CERS3: variants seen among roughly 807,000 people sequenced by gnomAD.
The protein encoded by CERS3 is ceramide synthase 3, also known as LAG1 homolog, ceramide synthase 3.
In CERS3, 33 loss-of-function variants were observed where a neutral mutation model predicts 50.3. The ratio of observed to expected loss-of-function variants is 0.66; its 90% CI spans 0.50 to 0.88. CERS3 has a LOEUF of 0.88. CERS3 is among the 40% of genes least tolerant of loss of function. The pLI is 0.00. For synonymous variants in CERS3, 176 were observed against 155.2 expected, an observed-to-expected ratio of 1.13 and a Z score of -0.99; for missense variants, 470 against 460.3, an observed-to-expected ratio of 1.02 and a Z score of -0.19.
intron 11 of CERS3, among the ~76,000 whole-genome samples, chr15:100,430,034 C>T (rs546398435): frequency 6.4e-4 from 97 of 151,850 alleles, no homozygotes; most frequent in African/African-American, 2.1e-3. Flanking sequence ...CCAAAAAAGC[C>T]GGGCGCGGTG....
At chr15:100,457,309 A>G (rs183494828) in intron 10 of CERS3, among the ~76,000 whole-genome samples, 1 of 152,296 alleles carries the variant, frequency 6.6e-6, no homozygotes, top group African/African-American at 2.4e-5. Context: ...CTATCTTGCC[A>G]AAAAAATTCT....
chr15:100,409,346 T>C (rs755829511), intron 11 of CERS3, among the ~76,000 whole-genome samples: 2 of 152,182 alleles, frequency 1.3e-5, no homozygotes, highest in African/African-American at 2.4e-5. Context: ...TGAGATGGAT[T>C]TGGCAACCTA....
chr15:100,408,247 A>G (rs2031213945), intron 11 of CERS3, among the ~76,000 whole-genome samples: 1 of 152,194 alleles, frequency 6.6e-6, no homozygotes, highest in South Asian at 2.1e-4. Context: ...CCCCATGGAT[A>G]CCGAGGGAAA....
At chr15:100,520,767 A>G (rs1764933799) in intron 2 of CERS3, among the ~76,000 whole-genome samples, 1 of 152,086 alleles carries the variant, frequency 6.6e-6, no homozygotes, top group Non-Finnish European at 1.5e-5. Context: ...CCACTGTCCC[A>G]CTAGGAGTGG....
chr15:100,459,112 C>A (rs2142205605), intron 10 of CERS3, among the ~76,000 whole-genome samples: 1 of 152,296 alleles, frequency 6.6e-6, no homozygotes, highest in East Asian at 1.9e-4. Context: ...CAAAACCAGG[C>A]AATAGGCTGA....
intron 5 of CERS3, among the ~76,000 whole-genome samples, chr15:100,483,336 G>C (rs1226185224): frequency 6.6e-6 from 1 of 152,152 alleles, no homozygotes; most frequent in African/African-American, 2.4e-5. Flanking sequence ...CACTGTTTAA[G>C]GCCGGTAACC....
At chr15:100,515,385 G>A (rs767417356) in intron 2 of CERS3, among the ~76,000 whole-genome samples, 17 of 152,120 alleles carry the variant, frequency 1.1e-4, no homozygotes, top group Non-Finnish European at 2.4e-4. Flanking sequence ...AGGTAATAAA[G>A]ACACAATAGC....
In CERS3 at chr15:100,479,488, G is replaced by GA. The variant is rs749210730; in HGVS notation, c.466-11dup. The GA allele has an allele frequency of 0.044, 46,010 of 1,038,984 alleles. No individual in the cohort carries two copies. The highest frequency in any genetic ancestry group is 0.06 in the South Asian group (3,125 of 52,162). 64.4% of individuals were successfully genotyped at this position (1,038,984 alleles called of 1,614,324 possible). A position where few individuals can be genotyped will look rare whatever the true frequency, so the allele number is the denominator to read the frequency against. ...CATATAGCCAAGGTTTCTGAAAGAA[G>GA]AAAAAAAAAAAGAGCCAACAGATGA... On this transcript the variant is annotated splice_polypyrimidine_tract_variant and intron_variant, in intron 6 of 11. Transcript: ENST00000679737.
rs1401135612 is a variant in CERS3, at chr15:100,400,663, A to T, written c.*2050T>A. 6 of 152,210 alleles carry T rather than the reference A, an allele frequency of 3.9e-5. No individual in the cohort carries two copies. In the South Asian group the frequency reaches 1.0e-3, roughly 26 times the overall value. 9.4% of individuals were successfully genotyped at this position (152,210 alleles called of 1,614,324 possible). On this transcript the variant is annotated 3_prime_UTR_variant, in exon 12 of 12. Coordinates refer to ENST00000679737, the MANE Select transcript of CERS3 (RefSeq NM_001378789.1). ...CCTTCAACATTCAAATAAGAAAAAA[A>T]ACTGGAGATAGAGGTAAACAAATAC...
intron 5 of CERS3, 26 bp downstream of exon 5, chr15:100,484,524 C>T (rs750484095): frequency 2.0e-6 from 3 of 1,485,956 alleles, no homozygotes; most frequent in Non-Finnish European, 2.8e-6. Flanking sequence ...CGGCAGCATT[C>T]CTAAAGCTTG....
At chr15:100,432,145 G>A (rs1164324491) in intron 11 of CERS3, among the ~76,000 whole-genome samples, 1 of 151,630 alleles carries the variant, frequency 6.6e-6, no homozygotes, top group African/African-American at 2.4e-5. Context: ...ATGGCTCACT[G>A]AAGCCTTGAC....
intron 10 of CERS3, among the ~76,000 whole-genome samples, chr15:100,461,307 T>C (rs971462017): frequency 1.3e-5 from 2 of 152,124 alleles, no homozygotes; most frequent in African/African-American, 4.8e-5. Context: ...CAGCCAGCTT[T>C]ACAAACTGTA....
chr15:100,499,314 C>T (rs1267705393), intron 3 of CERS3, among the ~76,000 whole-genome samples: 3 of 152,040 alleles, frequency 2.0e-5, no homozygotes, highest in Non-Finnish European at 4.4e-5. Context: ...AGAAGATAAA[C>T]TAATTAGAAA....
At chr15:100,469,905 C>T (rs1320873131) in intron 9 of CERS3, among the ~76,000 whole-genome samples, 1 of 151,710 alleles carries the variant, frequency 6.6e-6, no homozygotes, top group Non-Finnish European at 1.5e-5. Context: ...CTGAGCTGGG[C>T]TGGGAATGCT....
At chr15:100,411,150 C>T (rs1010866797) in intron 11 of CERS3, among the ~76,000 whole-genome samples, 4 of 152,034 alleles carry the variant, frequency 2.6e-5, no homozygotes, top group African/African-American at 9.7e-5. Flanking sequence ...TCCAAATTTC[C>T]TTCGTTTTGT....
intron 10 of CERS3, among the ~76,000 whole-genome samples, chr15:100,459,791 G>A (rs949532236): frequency 3.9e-5 from 6 of 151,966 alleles, no homozygotes; most frequent in African/African-American, 1.5e-4. Flanking sequence ...TATTTTATCA[G>A]TCTCCACCTA....
At chr15:100,415,121 C>T (rs896188267) in intron 11 of CERS3, among the ~76,000 whole-genome samples, 1 of 152,124 alleles carries the variant, frequency 6.6e-6, no homozygotes, top group African/African-American at 2.4e-5. Flanking sequence ...AGGATATGAA[C>T]AGACACTTCT....
chr15:100,519,541 A>T (rs190748122), intron 2 of CERS3, among the ~76,000 whole-genome samples: 3 of 152,330 alleles, frequency 2.0e-5, no homozygotes, highest in Admixed American at 6.5e-5. Flanking sequence ...TTCTAAAAAT[A>T]TACCAAGAGA....
At chr15:100,451,475 G>A (rs564368271) in intron 11 of CERS3, among the ~76,000 whole-genome samples, 1 of 152,270 alleles carries the variant, frequency 6.6e-6, no homozygotes, top group East Asian at 1.9e-4. Flanking sequence ...AGGCCAAGGT[G>A]GGAAGATCAC....
Sources: allele counts gnomAD v4.1 joint callset (sites outside exome capture counted in the v4.1 genomes callset), GRCh38; gene constraint gnomAD v4.1.1; transcripts MANE v1.5; gene names NCBI Gene and HGNC (gene_info 2026-07-23, HGNC 2026-07-21).